RARB: variants seen among roughly 807,000 people sequenced by gnomAD.
RARB encodes the protein retinoic acid receptor beta.
A neutral mutation model predicts 51.9 loss-of-function variants in RARB; 17 were observed. The ratio of observed to expected loss-of-function variants is 0.33; its 90% CI spans 0.22 to 0.49. The LOEUF (loss-of-function observed/expected upper bound fraction) is 0.49, where lower values mean the gene tolerates loss of function less well. Ranked by LOEUF, RARB falls within the 20% of genes least tolerant of loss-of-function variation. RARB has a pLI of 0.99. For synonymous variants in RARB, 215 were observed against 195.4 expected, an observed-to-expected ratio of 1.10 and a Z score of -0.84; for missense variants, 369 against 550.8, an observed-to-expected ratio of 0.67 and a Z score of 3.30.
At chr3:25,046,909 C>T (rs1006405425) in intron 2 of RARB, among the ~76,000 whole-genome samples, 1 of 152,162 alleles carries the variant, frequency 6.6e-6, no homozygotes, top group Non-Finnish European at 1.5e-5. Context: ...GATGTGCACT[C>T]AGCCACTGCT....
At chr3:24,939,898 C>G (rs989813195) in intron 2 of RARB, among the ~76,000 whole-genome samples, 1 of 152,186 alleles carries the variant, frequency 6.6e-6, no homozygotes, top group African/African-American at 2.4e-5. Context: ...AGGAAGTTCT[C>G]AATACAATCT....
intron 1 of RARB, among the ~76,000 whole-genome samples, chr3:24,830,431 G>A (rs1702264319): frequency 6.6e-6 from 1 of 150,932 alleles, no homozygotes; most frequent in African/African-American, 2.4e-5. Flanking sequence ...GTGTGTGTGT[G>A]TGTGTGTGTG....
At chr3:25,377,978 T>C (rs963404800) in intron 5 of RARB, among the ~76,000 whole-genome samples, 3 of 152,300 alleles carry the variant, frequency 2.0e-5, no homozygotes, top group Admixed American at 1.3e-4. Flanking sequence ...TTCAAAAATA[T>C]TTGTTAGGCA....
intron 2 of RARB, among the ~76,000 whole-genome samples, chr3:25,480,420 G>A (rs567736085): frequency 5.3e-5 from 8 of 152,196 alleles, no homozygotes; most frequent in African/African-American, 1.7e-4. Context: ...TGAACCTCCC[G>A]GTTACTTCTC....
intron 1 of RARB, among the ~76,000 whole-genome samples, chr3:25,453,539 G>A (rs1335335901): frequency 1.3e-5 from 2 of 152,052 alleles, no homozygotes; most frequent in Non-Finnish European, 2.9e-5. Context: ...CACTGTGCCC[G>A]GCCAAGATTC....
chr3:25,522,351 C>T lies in RARB; in HGVS notation c.448+21028C>T, dbSNP rs139366860. ...GGTCTAAACAACCTTTCGGTAGGCGCAGGGGGCGGGGCACGTTTTACGAGT... is the reference window on the plus strand; with the variant it reads ...GGTCTAAACAACCTTTCGGTAGGCGTAGGGGGCGGGGCACGTTTTACGAGT... On this transcript the variant is annotated intron_variant, in intron 3 of 7. Coordinates refer to ENST00000330688, the MANE Select transcript of RARB (RefSeq NM_000965.5). 4.0e-3 allele frequency among the ~76,000 whole-genome samples: 611 copies of T among 152,184 alleles called. 4 individuals are homozygous for T. Among genetic ancestry groups the T allele is most frequent in the African/African-American group, 0.014 (567 of 41,546 alleles).
At chr3:24,889,684 G>A (rs1380567539) in intron 2 of RARB, among the ~76,000 whole-genome samples, 1 of 133,712 alleles carries the variant, frequency 7.5e-6, no homozygotes, top group Non-Finnish European at 1.6e-5. Context: ...AAGTGTGTGT[G>A]TGTGTGTGTG....
At chr3:25,534,820 C>G (rs1486988438) in intron 3 of RARB, among the ~76,000 whole-genome samples, 1 of 152,154 alleles carries the variant, frequency 6.6e-6, no homozygotes, top group Non-Finnish European at 1.5e-5. Context: ...TGCTGGGCTG[C>G]TAGTGCCCTG....
chr3:24,992,799 G>T (rs556488718), intron 2 of RARB, among the ~76,000 whole-genome samples: 1 of 152,122 alleles, frequency 6.6e-6, no homozygotes, highest in East Asian at 1.9e-4. Flanking sequence ...TACCTTCATT[G>T]TCCTTTTAAA....
chr3:25,294,046 A>T (rs1703856870), intron 5 of RARB, among the ~76,000 whole-genome samples: 1 of 152,148 alleles, frequency 6.6e-6, no homozygotes, highest in Admixed American at 6.6e-5. Context: ...TAAGGAGGGG[A>T]TGTTCACCGA....
chr3:24,833,888 A>G (rs546497245), intron 1 of RARB, among the ~76,000 whole-genome samples: 5 of 152,316 alleles, frequency 3.3e-5, no homozygotes, highest in East Asian at 3.9e-4. Context: ...ACCCCTGCTC[A>G]TATCTCACCT....
At chr3:25,300,719 G>C (rs1187603694) in intron 5 of RARB, among the ~76,000 whole-genome samples, 1 of 152,166 alleles carries the variant, frequency 6.6e-6, no homozygotes, top group African/African-American at 2.4e-5. Flanking sequence ...GTCAGGAGTG[G>C]TGGCTCACAC....
chr3:25,517,310 G>T (rs1435701), intron 3 of RARB, among the ~76,000 whole-genome samples: 1 of 152,114 alleles, frequency 6.6e-6, no homozygotes. Context: ...AAGATAAATA[G>T]CTCAATTTTA....
chr3:25,310,954 G>A (rs2125433544), intron 5 of RARB, among the ~76,000 whole-genome samples: 1 of 152,308 alleles, frequency 6.6e-6, no homozygotes, highest in East Asian at 1.9e-4. Context: ...GCACACTCTG[G>A]AAATTAAAGG....
chr3:24,919,371 G>T (rs1206637953), intron 2 of RARB, among the ~76,000 whole-genome samples: 1 of 151,956 alleles, frequency 6.6e-6, no homozygotes, highest in Non-Finnish European at 1.5e-5. Flanking sequence ...AACTATAACC[G>T]AAATGCAGGT....
At chr3:25,237,942 G>A (rs115316707) in intron 5 of RARB, among the ~76,000 whole-genome samples, 1,734 of 151,958 alleles carry the variant, frequency 0.011, 34 homozygotes, top group African/African-American at 0.04. Flanking sequence ...GTGATACTTT[G>A]TTGCATGCAT....
chr3:25,045,696 T>C (rs1698201387), intron 2 of RARB, among the ~76,000 whole-genome samples: 1 of 152,228 alleles, frequency 6.6e-6, no homozygotes, highest in Non-Finnish European at 1.5e-5. Context: ...GTCTGTGGAA[T>C]ACAAAATTCA....
At chr3:24,944,718 GT>G (rs1011914651) in intron 2 of RARB, among the ~76,000 whole-genome samples, 1 of 152,094 alleles carries the variant, frequency 6.6e-6, no homozygotes, top group African/African-American at 2.4e-5. Context: ...CTTTGCATTT[GT>G]TTTTATTGAA....
chr3:24,934,940 C>G (rs1464977560), intron 2 of RARB, among the ~76,000 whole-genome samples: 2 of 152,182 alleles, frequency 1.3e-5, no homozygotes, highest in African/African-American at 4.8e-5. Flanking sequence ...GGGGATGTGA[C>G]AGAAATAGCT....
Sources: gnomAD v4.1 joint callset for allele counts (sites outside exome capture counted in the v4.1 genomes callset) on GRCh38, gnomAD v4.1.1 for gene constraint, MANE v1.5 for transcripts, NCBI Gene and HGNC (gene_info 2026-07-23, HGNC 2026-07-21) for gene names.